NEIL3: variants seen among roughly 807,000 people sequenced by gnomAD.
NEIL3 encodes nei like DNA glycosylase 3.
NEIL3 carries 48 observed loss-of-function variants against 57.5 expected under a neutral mutation model. The ratio of observed to expected loss-of-function variants is 0.83; its 90% confidence interval spans 0.66 to 1.06. NEIL3 has a LOEUF of 1.06. Among genes scored for constraint, NEIL3 ranks in the 50% least tolerant of loss-of-function variants. The probability of loss-of-function intolerance (pLI) is 0.00; values close to 1 mark genes in which losing one functional copy is unlikely to be tolerated. For synonymous variants in NEIL3, 261 were observed against 253.2 expected, an observed-to-expected ratio of 1.03 and a Z score of -0.29; for missense variants, 717 against 739.1, an observed-to-expected ratio of 0.97 and a Z score of 0.35.
chr4:177,327,741 T>A (rs989326276), intron 2 of NEIL3, among the ~76,000 whole-genome samples: 2 of 152,204 alleles, frequency 1.3e-5, no homozygotes, highest in African/African-American at 4.8e-5. Flanking sequence ...TCAAAAAATT[T>A]CCCTTTTATT....
intron 6 of NEIL3, among the ~76,000 whole-genome samples, chr4:177,347,631 G>A (rs1300742446): frequency 6.6e-6 from 1 of 152,066 alleles, no homozygotes; most frequent in Non-Finnish European, 1.5e-5. Flanking sequence ...CTCAACAGTA[G>A]TGCAGGTGGT....
chr4:177,330,210 C>T (rs866721466), intron 2 of NEIL3, among the ~76,000 whole-genome samples: 1 of 152,174 alleles, frequency 6.6e-6, no homozygotes, highest in East Asian at 1.9e-4. Context: ...CTGCGCCCAG[C>T]TGAAAAATTT....
chr4:177,326,362 A>T (rs921211355), intron 2 of NEIL3, among the ~76,000 whole-genome samples: 1 of 152,132 alleles, frequency 6.6e-6, no homozygotes. Context: ...GTATGGGTCT[A>T]TTTCTGAACT....
intron 6 of NEIL3, chr4:177,343,435 A>C (rs1288285961): frequency 6.6e-6 from 1 of 152,330 alleles, no homozygotes; most frequent in African/African-American, 2.4e-5. Flanking sequence ...ACAAAACCAT[A>C]GGATTGGACA....
intron 1 of NEIL3, among the ~76,000 whole-genome samples, chr4:177,319,640 G>A (rs1734638522): frequency 1.3e-5 from 2 of 152,022 alleles, no homozygotes; most frequent in South Asian, 2.1e-4. Flanking sequence ...AAAGTGTAAT[G>A]TGTCATTCTT....
intron 2 of NEIL3, among the ~76,000 whole-genome samples, chr4:177,331,627 G>T (rs150480875): frequency 6.6e-6 from 1 of 151,862 alleles, no homozygotes; most frequent in Non-Finnish European, 1.5e-5. Context: ...TTTAATCTTT[G>T]TGTGTATATA....
chr4:177,358,884 C>A (rs1312885338), intron 8 of NEIL3, among the ~76,000 whole-genome samples: 2 of 152,182 alleles, frequency 1.3e-5, no homozygotes, highest in African/African-American at 4.8e-5. Context: ...TTTGTGTCCA[C>A]ACAATTTTTA....
chr4:177,347,569 T>G (rs1050968018), intron 6 of NEIL3, among the ~76,000 whole-genome samples: 5 of 152,058 alleles, frequency 3.3e-5, no homozygotes, highest in African/African-American at 1.2e-4. Context: ...TGGGCTGCTG[T>G]GTGGAATAGA....
intron 2 of NEIL3, among the ~76,000 whole-genome samples, chr4:177,326,977 G>T (rs999255889): frequency 1.3e-5 from 2 of 152,042 alleles, no homozygotes; most frequent in African/African-American, 4.8e-5. Flanking sequence ...GGTGTGGGGG[G>T]GCATGTAATC....
At chr4:177,338,402 C>A (rs1391119815) in intron 4 of NEIL3, among the ~76,000 whole-genome samples, 1 of 152,146 alleles carries the variant, frequency 6.6e-6, no homozygotes, top group African/African-American at 2.4e-5. Context: ...GCCCTAGGGA[C>A]ACTGCTACAC....
intron 2 of NEIL3, among the ~76,000 whole-genome samples, chr4:177,325,413 G>A (rs2111120397): frequency 6.6e-6 from 1 of 152,112 alleles, no homozygotes; most frequent in Admixed American, 6.5e-5. Flanking sequence ...GTCTCCCATT[G>A]TATGAACATA....
intron 1 of NEIL3, among the ~76,000 whole-genome samples, chr4:177,310,343 A>G (rs1734454371): frequency 6.6e-6 from 1 of 152,232 alleles, no homozygotes; most frequent in Non-Finnish European, 1.5e-5. Context: ...AAGATGCCCT[A>G]GGGGAATCCA....
At chr4:177,319,481 G>A (rs1734633150) in intron 1 of NEIL3, among the ~76,000 whole-genome samples, 1 of 149,604 alleles carries the variant, frequency 6.7e-6, no homozygotes, top group Non-Finnish European at 1.5e-5. Flanking sequence ...GTAGGCTTTT[G>A]GGGGAACAAG....
At chr4:177,368,426 A>G in the NEIL3 span, among the ~76,000 whole-genome samples, 2 of 152,196 alleles carry the variant, frequency 1.3e-5, no homozygotes, top group African/African-American at 4.8e-5. Context: ...GGGGTTCCTA[A>G]AAGATGAAAC....
intron 8 of NEIL3, among the ~76,000 whole-genome samples, chr4:177,359,173 A>C (rs961465354): frequency 4.6e-5 from 7 of 152,308 alleles, no homozygotes; most frequent in Middle Eastern, 3.4e-3. Flanking sequence ...TGACTTGAAA[A>C]TACAGCCACC....
At chr4:177,327,299 G>A (rs980081631) in intron 2 of NEIL3, among the ~76,000 whole-genome samples, 1 of 152,092 alleles carries the variant, frequency 6.6e-6, no homozygotes, top group Non-Finnish European at 1.5e-5. Flanking sequence ...TAATACACTT[G>A]CTAAACTCGT....
intron 5 of NEIL3, among the ~76,000 whole-genome samples, chr4:177,341,245 C>A (rs1735084652): frequency 6.6e-6 from 1 of 152,096 alleles, no homozygotes; most frequent in South Asian, 2.1e-4. Context: ...ATTTTGAATA[C>A]TAATGTCATT....
At chr4:177,351,764 A>G (rs965807228) in intron 7 of NEIL3, among the ~76,000 whole-genome samples, 2 of 152,178 alleles carry the variant, frequency 1.3e-5, no homozygotes, top group Non-Finnish European at 2.9e-5. Context: ...TTGTGCTATA[A>G]CAGTATGTGC....
intron 1 of NEIL3, among the ~76,000 whole-genome samples, chr4:177,311,986 A>G (rs897106530): frequency 2.6e-5 from 4 of 152,206 alleles, no homozygotes; most frequent in Non-Finnish European, 5.9e-5. Context: ...GCGGATACGA[A>G]GATGAGTAGG....
Sources: allele counts gnomAD v4.1 joint callset (sites outside exome capture counted in the v4.1 genomes callset), GRCh38; gene constraint gnomAD v4.1.1; transcripts MANE v1.5; gene names NCBI Gene and HGNC (gene_info 2026-07-23, HGNC 2026-07-21).